The following NAALADL2 variants were observed in gnomAD, a reference collection of about 807,000 sequenced individuals.
The protein encoded by NAALADL2 is N-acetylated alpha-linked acidic dipeptidase like 2.
Under a neutral mutation model 87.2 loss-of-function variants are expected in NAALADL2, and 76 were observed. The observed-to-expected ratio is 0.87, with a 90% confidence interval of 0.72 to 1.05. The LOEUF is 1.05. Ranked by LOEUF, NAALADL2 falls within the 50% of genes least tolerant of loss-of-function variation. The probability of loss-of-function intolerance (pLI) is 0.00; values close to 1 mark genes in which losing one functional copy is unlikely to be tolerated. For synonymous variants in NAALADL2, 354 were observed against 331.0 expected, an observed-to-expected ratio of 1.07 and a Z score of -0.75; for missense variants, 1,089 against 945.8, an observed-to-expected ratio of 1.15 and a Z score of -1.99.
chr3:175,361,543 A>T (rs1395266469), intron 5 of NAALADL2, among the ~76,000 whole-genome samples: 2 of 147,966 alleles, frequency 1.4e-5, no homozygotes, highest in Non-Finnish European at 3.0e-5. Flanking sequence ...TTCCTGACTT[A>T]TTAATGATTA....
chr3:175,422,244 G>C (rs1715830568), intron 5 of NAALADL2, among the ~76,000 whole-genome samples: 2 of 151,964 alleles, frequency 1.3e-5, no homozygotes, highest in African/African-American at 2.4e-5. Context: ...GAGTGATTTG[G>C]ACAAAAGAAA....
chr3:175,302,737 T>C (rs1757236244), intron 4 of NAALADL2, among the ~76,000 whole-genome samples: 1 of 152,064 alleles, frequency 6.6e-6, no homozygotes, highest in Non-Finnish European at 1.5e-5. Context: ...TTATAAGTAC[T>C]GGGGCAATAG....
At chr3:175,031,234 G>A (rs184538761) in intron 1 of NAALADL2, among the ~76,000 whole-genome samples, 1 of 151,910 alleles carries the variant, frequency 6.6e-6, no homozygotes, top group Non-Finnish European at 1.5e-5. Flanking sequence ...TCATCACCCA[G>A]GTAGCCTGGT....
intron 4 of NAALADL2, among the ~76,000 whole-genome samples, chr3:175,265,725 C>T (rs780443522): frequency 4.6e-5 from 7 of 151,380 alleles, no homozygotes; most frequent in South Asian, 2.1e-4. Flanking sequence ...AACTGCCCAA[C>T]GTATATGGTT....
chr3:175,186,163 A>G (rs566802263), intron 2 of NAALADL2, among the ~76,000 whole-genome samples: 5 of 152,238 alleles, frequency 3.3e-5, no homozygotes, highest in African/African-American at 1.2e-4. Flanking sequence ...TACATGTTGA[A>G]GAGATGAACT....
rs550333994 is a variant in NAALADL2, at chr3:174,751,312, GA to G, written c.-9+13569del. Among the ~76,000 whole-genome samples the G allele has an allele frequency of 3.3e-5, 5 of 152,156 alleles. No individual in the cohort carries two copies. The South Asian group carries it at 1.0e-3, about 32-fold the overall frequency. On this transcript the variant is annotated intron_variant, in intron 3 of 3. Coordinates refer to the NAALADL2 transcript ENST00000434257. ...GACAGATTTTCAGCATATATGAAAAGAAATATTTTTGCAGAGGTCTATTAAT... is the reference window on the plus strand; with the variant it reads ...GACAGATTTTCAGCATATATGAAAAGAATATTTTTGCAGAGGTCTATTAAT...
intron 1 of NAALADL2, among the ~76,000 whole-genome samples, chr3:175,085,358 T>A (rs1392781872): frequency 1.3e-5 from 2 of 152,210 alleles, no homozygotes; most frequent in African/African-American, 4.8e-5. Context: ...TGAAACTAGT[T>A]AAGGTCATTA....
At chr3:175,016,473 T>C (rs1445464494) in intron 1 of NAALADL2, among the ~76,000 whole-genome samples, 1 of 151,416 alleles carries the variant, frequency 6.6e-6, no homozygotes. Context: ...GTATATATGG[T>C]AAGATTAACC....
At chr3:175,164,780 C>T (rs1733748562) in intron 2 of NAALADL2, among the ~76,000 whole-genome samples, 2 of 152,220 alleles carry the variant, frequency 1.3e-5, no homozygotes, top group South Asian at 2.1e-4. Context: ...TGGGGGCATC[C>T]CTCAGGAAAG....
At chr3:175,218,315 A>G (rs1052825575) in intron 2 of NAALADL2, among the ~76,000 whole-genome samples, 2 of 152,190 alleles carry the variant, frequency 1.3e-5, no homozygotes, top group African/African-American at 4.8e-5. Flanking sequence ...ATGCTTCACA[A>G]TATTTTAAAT....
chr3:175,072,696 G>GGGGAGGT lies in NAALADL2; in HGVS notation c.44-24088_44-24087insTGGGAGG, dbSNP rs1191334965. ...GGTTAATTATTGAAAAACGGGGTGG[G>GGGGAGGT]GGGAGGGGGGAGGGATAGCATTAGG... On this transcript the variant is annotated intron_variant, in intron 1 of 13. Coordinates refer to ENST00000454872, the MANE Select transcript of NAALADL2 (RefSeq NM_207015.3). 3.5e-3 allele frequency among the ~76,000 whole-genome samples: 347 copies of GGGGAGGT among 98,860 alleles called. 6 individuals are homozygous for GGGGAGGT. The highest frequency in any genetic ancestry group is 0.013 in the African/African-American group (332 of 24,852). 64.9% of individuals were successfully genotyped at this position (98,860 alleles called of 152,430 possible).
intron 1 of NAALADL2, among the ~76,000 whole-genome samples, chr3:174,520,744 C>T (rs927390408): frequency 4.6e-5 from 7 of 152,126 alleles, no homozygotes; most frequent in South Asian, 2.1e-4. Flanking sequence ...GCACGACAAA[C>T]GAAATAACCA....
At chr3:175,350,606 T>A (rs1182718901) in intron 5 of NAALADL2, among the ~76,000 whole-genome samples, 2 of 152,120 alleles carry the variant, frequency 1.3e-5, no homozygotes, top group Non-Finnish European at 2.9e-5. Context: ...GGCGTCTCTT[T>A]TTCTCCTGCT....
At chr3:175,076,057 G>A (rs955280214) in intron 1 of NAALADL2, among the ~76,000 whole-genome samples, 4 of 151,974 alleles carry the variant, frequency 2.6e-5, no homozygotes, top group East Asian at 3.9e-4. Context: ...GCAAAATTCC[G>A]TCTCTACTAA....
At chr3:175,767,127 C>T (rs942361237) in intron 13 of NAALADL2, among the ~76,000 whole-genome samples, 4 of 152,048 alleles carry the variant, frequency 2.6e-5, no homozygotes, top group Admixed American at 2.6e-4. Flanking sequence ...CGGAGGAGTA[C>T]ATGATTTGCC....
chr3:175,413,132 G>A (rs1713905216), intron 5 of NAALADL2, among the ~76,000 whole-genome samples: 2 of 142,940 alleles, frequency 1.4e-5, no homozygotes, highest in South Asian at 4.7e-4. Flanking sequence ...CTCGTGATCT[G>A]CCCGCCTTGG....
chr3:175,787,208 G>A (rs1411386366), intron 13 of NAALADL2, among the ~76,000 whole-genome samples: 3 of 152,166 alleles, frequency 2.0e-5, no homozygotes, highest in Non-Finnish European at 4.4e-5. Context: ...TACAGAGGCA[G>A]GCAGGCCTCC....
chr3:174,754,254 A>G (rs948920767), intron 3 of NAALADL2, among the ~76,000 whole-genome samples: 1 of 137,002 alleles, frequency 7.3e-6, no homozygotes, highest in African/African-American at 3.0e-5. Context: ...AAATATGCAT[A>G]TATGTTTTAA....
intron 11 of NAALADL2, among the ~76,000 whole-genome samples, chr3:175,636,899 AG>A (rs1483951227): frequency 1.3e-5 from 2 of 152,162 alleles, no homozygotes; most frequent in African/African-American, 4.8e-5. Flanking sequence ...CTGTCATTTA[AG>A]GGTTAATATT....
Sources: allele counts gnomAD v4.1 joint callset (sites outside exome capture counted in the v4.1 genomes callset), GRCh38; gene constraint gnomAD v4.1.1; transcripts MANE v1.5; gene names NCBI Gene and HGNC (gene_info 2026-07-23, HGNC 2026-07-21).